The following E2F8 variants were observed in gnomAD, a reference collection of about 807,000 sequenced individuals.
The protein encoded by E2F8 is transcription factor E2F8.
A neutral mutation model predicts 80.8 loss-of-function variants in E2F8; 35 were observed. The ratio of observed to expected loss-of-function variants is 0.43; its 90% CI spans 0.33 to 0.57. E2F8 has a LOEUF of 0.57. Among genes scored for constraint, E2F8 ranks in the 20% least tolerant of loss-of-function variants. The pLI is 0.04. For missense variants in E2F8, 975 were observed against 1,056.2 expected (o/e 0.92, Z 1.07); for synonymous variants, 386 against 395.0 (o/e 0.98, Z 0.27).
intron 4 of E2F8, 23 bp downstream of exon 4, chr11:19,237,291 C>G: frequency 1.2e-6 from 2 of 1,611,866 alleles, no homozygotes; most frequent in South Asian, 1.1e-5. Context: ...TTAATTCTTT[C>G]AGTGAGTTCT....
intron 3 of E2F8, 83 bp from the exon 4 acceptor site, chr11:19,237,553 C>T: frequency 7.2e-7 from 1 of 1,386,732 alleles, no homozygotes; most frequent in Non-Finnish European, 9.9e-7. Context: ...CGATGACTGA[C>T]ACCAACTTAC....
chr11:19,227,663 T>C (rs1851269968), intron 10 of E2F8, among the ~76,000 whole-genome samples: 1 of 152,218 alleles, frequency 6.6e-6, no homozygotes, highest in Non-Finnish European at 1.5e-5. Context: ...CTACCTGATA[T>C]GTTTGTGTTT....
rs754251980 is a variant in E2F8, at chr11:19,234,889, C to T, written c.621G>A (p.Met207Ile). ...GEENKYAEQI[M>I]MIKKKEYEQE... The stretch of plus-strand genomic sequence containing the variant: ...GCTCATATTCTTTCTTTTTGATCAT[C>T]ATAATCTGCTCGGCGTACTTATTCT... The change falls in exon 5 of 13, where the codon ATG (methionine) becomes ATA (isoleucine). Residue 207 changes from methionine (M) to isoleucine (I), a missense_variant. By Grantham distance (10) the Met-to-Ile change is conservative (BLOSUM62 1). Coordinates refer to ENST00000250024, the MANE Select transcript of E2F8 (RefSeq NM_024680.4). The T allele has an allele frequency of 6.2e-7, 1 of 1,614,184 alleles. No individual in the cohort carries two copies. Among genetic ancestry groups the T allele is most frequent in the Non-Finnish European group, 8.5e-7 (1 of 1,180,038 alleles).
At position 19,230,262 on chromosome 11, in the gene E2F8, A is replaced by G; in HGVS notation, c.1337T>C (p.Met446Thr). ...KMAQLAAICK[M>T]QLEEQSSESR... ...CTACCTTGATTGCTCTTCTAACTGC[A>G]TTTTACAAATAGCTGCGAGCTGAGC... Residue 446 changes from methionine to threonine, a missense_variant, in exon 9 of 13, where the codon ATG (methionine) becomes ACG (threonine). Met to Thr is a moderately conservative substitution (Grantham distance 81). Transcript: ENST00000250024. 1 of 1,613,740 alleles carries G rather than the reference A, an allele frequency of 6.2e-7. No individual in the cohort carries two copies. Among genetic ancestry groups the G allele is most frequent in the Non-Finnish European group, 8.5e-7 (1 of 1,179,920 alleles).
At position 19,229,722 on chromosome 11, in the gene E2F8, G is replaced by C; in HGVS notation, c.1625C>G (p.Pro542Arg). Residue 542 changes from proline (P) to arginine (R), a missense_variant, in exon 10 of 13, where the codon CCA becomes CGA. Transcript: ENST00000250024. This position sits in a 1 kb window ranked among gnomAD's most constrained non-coding sequence, Gnocchi z 4.3. Reference protein sequence around the residue: ...QSVTPPQGLSPTVCTTHSSKA... With the variant: ...QSVTPPQGLSRTVCTTHSSKA... ...AGAAGAGTGGGTGGTGCACACCGTT[G>C]GGCTCAGGCCTTGGGGTGGCGTCAC... 6.2e-7 allele frequency: 1 copy of C among 1,614,196 alleles called. No homozygotes were observed. Among genetic ancestry groups the C allele is most frequent in the East Asian group, 2.2e-5 (1 of 44,886 alleles).
Position 19,232,308 on chromosome 11 carries a change from A to T in E2F8, c.992T>A (p.Val331Asp). Reference sequence around the variant, plus strand: ...TCGGCCTCTTTCCTCTGTAACATGAACTTTCTTGATAAGATCCAGGCTACT... The same window carrying T: ...TCGGCCTCTTTCCTCTGTAACATGATCTTTCTTGATAAGATCCAGGCTACT... ...VLSSLDLIKK[V>D]HVTEERGRKP... The change falls in exon 7 of 13, where the codon GTT (valine) becomes GAT (aspartate). Residue 331 changes from valine (V) to aspartate (D), a missense_variant. By Grantham distance (152) the Val-to-Asp change is radical. Coordinates refer to ENST00000250024, the MANE Select transcript of E2F8 (RefSeq NM_024680.4). 6.2e-7 allele frequency: 1 copy of T among 1,614,200 alleles called. No individual in the cohort carries two copies. The highest frequency in any genetic ancestry group is 8.5e-7 in the Non-Finnish European group (1 of 1,180,030).
At position 19,234,763 on chromosome 11, in the gene E2F8, AG is replaced by A; in HGVS notation, c.746del (p.Pro249LeufsTer10). 6.2e-7 allele frequency: 1 copy of A among 1,612,516 alleles called. No individual in the cohort carries two copies. The highest frequency in any genetic ancestry group is 1.7e-4 in the Middle Eastern group (1 of 6,058). ...TCTCACCTGCCCGAAATTCCACTCC[AG>A]GGAGTTCCACAAAACACATGTCTGG... ...GHPDMCFVEL[P>X]GVEFRAASVN... is the part of the protein sequence containing the mutation. On this transcript the variant is annotated frameshift_variant, in exon 5 of 13. Coordinates refer to ENST00000250024, the MANE Select transcript of E2F8 (RefSeq NM_024680.4). LOFTEE classifies it high-confidence loss of function.
chr11:19,237,933 G>C lies in E2F8; in HGVS notation c.215C>G (p.Pro72Arg). The change falls in exon 3 of 13, where the codon CCT becomes CGT. Residue 72 changes from proline to arginine, a missense_variant. By Grantham distance (103) the Pro-to-Arg change is moderately radical (BLOSUM62 -2). Transcript: ENST00000250024. ...TTTCTGATCTCTGTTGCGGATCTCAGGGCTCACAGCACTGATGAGCATTTT... is the reference window on the plus strand; with the variant it reads ...TTTCTGATCTCTGTTGCGGATCTCACGGCTCACAGCACTGATGAGCATTTT... ...NLKMLISAVS[P>R]EIRNRDQKRG... is the part of the protein sequence containing the mutation. 1 of 1,613,990 alleles carries C rather than the reference G, an allele frequency of 6.2e-7. No individual in the cohort carries two copies. Among genetic ancestry groups the C allele is most frequent in the Non-Finnish European group, 8.5e-7 (1 of 1,180,024 alleles).
chr11:19,237,965 G>A lies in E2F8; in HGVS notation c.183C>T (p.Ala61=). ...CAGCACTGATGAGCATTTTCAGGTT[G>A]GCTGTCGGTGTCCACGGCTCTCCCT... ...GSQGEPWTPT[A]NLKMLISAVS... Residue 61 remains alanine (A), a synonymous_variant, in exon 3 of 13, where the codon GCC becomes GCT. Coordinates refer to ENST00000250024, the MANE Select transcript of E2F8 (RefSeq NM_024680.4). The A allele has an allele frequency of 6.2e-7, 1 of 1,614,136 alleles. No homozygotes were observed. Among genetic ancestry groups the A allele is most frequent in the Non-Finnish European group, 8.5e-7 (1 of 1,180,030 alleles).
Position 19,229,462 on chromosome 11 carries a change from C to A in E2F8, c.1885G>T (p.Val629Phe). 1 of 1,612,706 alleles carries A rather than the reference C, an allele frequency of 6.2e-7. No individual in the cohort carries two copies. ...TTCAAGGCTGTACTTACTGCGGAGACATTTTCAAGTCCTTTTAGGTCCTCT... is the reference window on the plus strand; with the variant it reads ...TTCAAGGCTGTACTTACTGCGGAGAAATTTTCAAGTCCTTTTAGGTCCTCT... ...FKEDLKGLEN[V>F]SATLFPSGYL... The change falls in exon 10 of 13, where the codon GTC (valine) becomes TTC (phenylalanine). Residue 629 changes from valine (V) to phenylalanine (F), a missense_variant. Physicochemically the swap from Val to Phe is conservative, Grantham distance 50. Transcript: ENST00000250024. This position sits in a 1 kb window ranked among gnomAD's most constrained non-coding sequence, Gnocchi z 4.3.
rs146643516 is a variant in E2F8 at position 19,230,745 on chromosome 11, G to A, written c.1156C>T (p.Arg386Cys). Residue 386 changes from arginine to cysteine, a missense_variant, in exon 8 of 13, where the codon CGT becomes TGT. Physicochemically the swap from Arg to Cys is radical, Grantham distance 180. Transcript: ENST00000250024. ...TGTCGAGTAAAGTTTGGTTTCCCACGTGTGGAAAAGAGGTTTTTGGCACAG... is the reference window on the plus strand; with the variant it reads ...TGTCGAGTAAAGTTTGGTTTCCCACATGTGGAAAAGAGGTTTTTGGCACAG... ...ENCAKNLFST[R>C]GKPNFTRHPS... 883 of 1,613,950 alleles carry A rather than the reference G, an allele frequency of 5.5e-4. 1 individual carries two copies. Among genetic ancestry groups the A allele is most frequent in the Non-Finnish European group, 6.8e-4 (802 of 1,179,944 alleles).
upstream of E2F8, chr11:19,241,096 C>A (rs899661046): frequency 3.3e-5 from 5 of 152,314 alleles, no homozygotes; most frequent in African/African-American, 9.6e-5. The surrounding 1 kb of genome is among the most constrained non-coding windows in gnomAD (Gnocchi z 4.5). Flanking sequence ...GATTGGCCGA[C>A]GGCGCCAGGG....
chr11:19,239,993 C>G (rs2133584244), intron 2 of E2F8, 114 bp downstream of exon 2: 1 of 739,366 alleles, frequency 1.4e-6, no homozygotes, highest in Admixed American at 3.1e-5. Flanking sequence ...TTTACAGAGG[C>G]TAACCAAGGT....
chr11:19,230,135 A>G, intron 9 of E2F8, 106 bp downstream of exon 9: 5 of 1,476,394 alleles, frequency 3.4e-6, no homozygotes, highest in Non-Finnish European at 4.6e-6. Context: ...AGAAAAGATT[A>G]GCTCTCCAGT....
chr11:19,235,328 A>G (rs1475458699), intron 4 of E2F8, among the ~76,000 whole-genome samples: 2 of 152,224 alleles, frequency 1.3e-5, no homozygotes, highest in African/African-American at 4.8e-5. Context: ...AAACTTGTGA[A>G]GTAGGTATTA....
At chr11:19,228,734 G>A (rs899212676) in intron 10 of E2F8, among the ~76,000 whole-genome samples, 5 of 152,232 alleles carry the variant, frequency 3.3e-5, no homozygotes, top group South Asian at 2.1e-4. Context: ...GGATGATACA[G>A]TAATGTCTCT....
chr11:19,233,600 G>T (rs1851434544), intron 6 of E2F8, among the ~76,000 whole-genome samples: 1 of 151,940 alleles, frequency 6.6e-6, no homozygotes, highest in African/African-American at 2.4e-5. Context: ...CCATTCTCCT[G>T]CCTCAGCCTC....
chr11:19,229,772 C>T lies in E2F8; in HGVS notation c.1575G>A (p.Leu525=). The change falls in exon 10 of 13, where the codon CTG becomes CTA. Residue 525 remains leucine, a synonymous_variant. Coordinates refer to ENST00000250024, the MANE Select transcript of E2F8 (RefSeq NM_024680.4). This position sits in a 1 kb window ranked among gnomAD's most constrained non-coding sequence, Gnocchi z 4.3. ...CACTTTGGTGGGCTTGAGTGGGCTG[C>T]AGGTAGATGGCATAGGATGGGCCTG... The part of the protein sequence containing the change: ...APSGPSYAIY[L]QPTQAHQSVT... 1 of 1,614,098 alleles carries T rather than the reference C, an allele frequency of 6.2e-7. No individual in the cohort carries two copies. Among genetic ancestry groups the T allele is most frequent in the Non-Finnish European group, 8.5e-7 (1 of 1,180,000 alleles).
At chr11:19,233,041 C>A (rs1851421510) in intron 6 of E2F8, among the ~76,000 whole-genome samples, 1 of 152,200 alleles carries the variant, frequency 6.6e-6, no homozygotes, top group African/African-American at 2.4e-5. Flanking sequence ...TACACCTCTG[C>A]AGTTCCTGGA....
Sources: gnomAD v4.1 joint callset for allele counts (sites outside exome capture counted in the v4.1 genomes callset) on GRCh38, gnomAD v4.1.1 for gene constraint, Gnocchi (gnomAD v3.1) non-coding constraint, MANE v1.5 for transcripts, NCBI Gene and HGNC (gene_info 2026-07-23, HGNC 2026-07-21) for gene names.